Variants in SVIL observed in about 807,000 individuals in gnomAD.
The protein encoded by SVIL is supervillin, also known as archvillin.
Under a neutral mutation model 240.4 loss-of-function variants are expected in SVIL, and 101 were observed. The observed-to-expected ratio is 0.42, with a 90% CI of 0.36 to 0.50. The LOEUF is 0.50. SVIL is among the 20% of genes least tolerant of loss of function. The pLI is 0.01. For synonymous variants in SVIL, 999 were observed against 1,100.0 expected (o/e 0.91, Z 1.82); for missense variants, 2,512 against 2,818.7 (o/e 0.89, Z 2.46).
chr10:29,567,818 C>A (rs2132712995), intron 2 of SVIL, among the ~76,000 whole-genome samples: 1 of 152,144 alleles, frequency 6.6e-6, no homozygotes, highest in East Asian at 1.9e-4. Context: ...AGATCGAGAC[C>A]ATCCTGGCTA....
chr10:29,481,536 T>C, intron 28 of SVIL, 48 bp downstream of exon 28: 1 of 1,608,010 alleles, frequency 6.2e-7, no homozygotes, highest in South Asian at 1.1e-5. Flanking sequence ...CCACTTTTAT[T>C]GGGACCCGAA....
chr10:29,608,473 G>A (rs1274013939), intron 1 of SVIL, among the ~76,000 whole-genome samples: 1 of 152,234 alleles, frequency 6.6e-6, no homozygotes, highest in East Asian at 1.9e-4. Flanking sequence ...ATGGGAGCCT[G>A]TTCTCCCAGG....
chr10:29,666,566 C>T (rs1959314732), intron 2 of SVIL, among the ~76,000 whole-genome samples: 1 of 152,210 alleles, frequency 6.6e-6, no homozygotes, highest in African/African-American at 2.4e-5. Flanking sequence ...CAAGGTCTCA[C>T]TAAGGGTGGG....
intron 29 of SVIL, among the ~76,000 whole-genome samples, chr10:29,476,987 C>T (rs994897835): frequency 2.0e-5 from 3 of 151,984 alleles, no homozygotes; most frequent in Non-Finnish European, 4.4e-5. Flanking sequence ...CTCAGCCTCC[C>T]GAGTAGCTGG....
chr10:29,535,064 GAA>G (rs1951644540), intron 7 of SVIL, among the ~76,000 whole-genome samples: 1 of 152,148 alleles, frequency 6.6e-6, no homozygotes, highest in South Asian at 2.1e-4. Context: ...GTATGGAAAA[GAA>G]TAGTTTATTT....
chr10:29,502,851 T>G (rs1949007127), intron 17 of SVIL, among the ~76,000 whole-genome samples: 1 of 152,186 alleles, frequency 6.6e-6, no homozygotes, highest in African/African-American at 2.4e-5. Context: ...TTTCTTTCTC[T>G]CTGTATACAC....
intron 1 of SVIL, among the ~76,000 whole-genome samples, chr10:29,607,375 T>C (rs1957065749): frequency 6.6e-6 from 1 of 152,216 alleles, no homozygotes; most frequent in African/African-American, 2.4e-5. Context: ...GGAATCTCCT[T>C]GCCTAGTTTA....
chr10:29,726,131 AG>A (rs1964276541), intron 1 of SVIL, among the ~76,000 whole-genome samples: 1 of 152,056 alleles, frequency 6.6e-6, no homozygotes, highest in South Asian at 2.1e-4. Flanking sequence ...TAAGTTGCCC[AG>A]GCTGGTCTCA....
chr10:29,460,798 T>G (rs548143588), intron 36 of SVIL, among the ~76,000 whole-genome samples: 1 of 152,256 alleles, frequency 6.6e-6, no homozygotes, highest in East Asian at 1.9e-4. Context: ...CCCAGCTACC[T>G]GGGAGGCTGA....
At chr10:29,679,227 A>G (rs951010222) in intron 2 of SVIL, among the ~76,000 whole-genome samples, 3 of 152,080 alleles carry the variant, frequency 2.0e-5, no homozygotes, top group African/African-American at 7.2e-5. Context: ...AAACAAAACA[A>G]AAAAACACCT....
Position 29,470,423 on chromosome 10 carries a change from A to C in SVIL, c.5696T>G (p.Val1899Gly), listed in dbSNP as rs376838166. Residue 1899 changes from valine to glycine, a missense_variant, in exon 32 of 38, where the codon GTG (valine) becomes GGG (glycine). This residue lies in a region of SVIL where 797 missense variants were observed against 925.3 expected (regional missense o/e 0.86). Coordinates refer to ENST00000355867, the MANE Select transcript of SVIL (RefSeq NM_021738.3). Reference protein sequence around the residue: ...EVPVEGNLLEVACHCSSLRSR... With the variant: ...EVPVEGNLLEGACHCSSLRSR... Reference sequence around the variant, plus strand: ...CCTCAGGCTGCTACAGTGACAGGCCACTTCCAGCAAATTCCCTTCCACGGG... The same window carrying C: ...CCTCAGGCTGCTACAGTGACAGGCCCCTTCCAGCAAATTCCCTTCCACGGG... The C allele has an allele frequency of 1.9e-6, 3 of 1,614,194 alleles. No homozygotes were observed. The highest frequency in any genetic ancestry group is 2.5e-6 in the Non-Finnish European group (3 of 1,180,026).
At chr10:29,572,763 C>CAAAAAAAAAAAAAAAAAAA (rs375180538) in intron 1 of SVIL, among the ~76,000 whole-genome samples, 2 of 81,324 alleles carry the variant, frequency 2.5e-5, no homozygotes, top group African/African-American at 9.5e-5. Flanking sequence ...GATCCTATCT[C>CAAAAAAAAAAAAAAAAAAA]AAAAAAAAAA....
At chr10:29,645,266 AG>A (rs908977872) in intron 3 of SVIL, among the ~76,000 whole-genome samples, 1 of 151,966 alleles carries the variant, frequency 6.6e-6, no homozygotes, top group African/African-American at 2.4e-5. Flanking sequence ...CTCAACAATG[AG>A]GGGGAAAAAA....
intron 5 of SVIL, 103 bp downstream of exon 5, chr10:29,554,680 C>G (rs1953736621): frequency 7.4e-7 from 1 of 1,349,596 alleles, no homozygotes; most frequent in African/African-American, 1.5e-5. Flanking sequence ...ACACAATTCA[C>G]TTCTGTGGAA....
intron 2 of SVIL, among the ~76,000 whole-genome samples, chr10:29,681,441 G>GTA (rs1554893818): frequency 6.7e-6 from 1 of 150,332 alleles, no homozygotes; most frequent in Non-Finnish European, 1.5e-5. Flanking sequence ...GTGTGTGTGT[G>GTA]TACGTGTGTT....
intron 1 of SVIL, among the ~76,000 whole-genome samples, chr10:29,714,677 T>A (rs906388156): frequency 6.6e-6 from 1 of 152,058 alleles, no homozygotes. Flanking sequence ...GAAAAAGGCT[T>A]GGCCGGGCGT....
chr10:29,563,279 A>T lies in SVIL; in HGVS notation c.-129T>A. 1 of 985,702 alleles carries T rather than the reference A, an allele frequency of 1.0e-6. No homozygotes were observed. The highest frequency in any genetic ancestry group is 1.2e-6 in the Non-Finnish European group (1 of 829,892). 61.1% of individuals were successfully genotyped at this position (985,702 alleles called of 1,614,324 possible). On this transcript the variant is annotated 5_prime_UTR_variant, in exon 3 of 38. Transcript: ENST00000355867. ...AGCTGTTCTTTATCTTCGAGTGAGA[A>T]CTCCTTCTGAAAGCTAAAAATTACT...
intron 29 of SVIL, among the ~76,000 whole-genome samples, chr10:29,478,112 G>A (rs1056070907): frequency 2.0e-5 from 3 of 152,040 alleles, no homozygotes. Flanking sequence ...AAAGTTCCCA[G>A]TTCCATTACT....
chr10:29,486,057 ACTGAAG>A lies in SVIL; in HGVS notation c.4779+22_4779+27del, dbSNP rs754626142. The A allele has an allele frequency of 1.1e-4, 171 of 1,579,050 alleles. No homozygotes were observed. In the East Asian group the frequency reaches 2.8e-3, roughly 26 times the overall value. On this transcript the variant is annotated intron_variant, in intron 26 of 37. Coordinates refer to ENST00000355867, the MANE Select transcript of SVIL (RefSeq NM_021738.3). The stretch of plus-strand genomic sequence containing the variant: ...CTGAGTGCTTTCAATGTGGTTTCTC[ACTGAAG>A]GGCAGAGCCCACGGACTGTACCTCT...
Sources: allele counts gnomAD v4.1 joint callset (sites outside exome capture counted in the v4.1 genomes callset), GRCh38; gene constraint gnomAD v4.1.1; regional missense constraint gnomAD v4.1.1; transcripts MANE v1.5; gene names NCBI Gene and HGNC (gene_info 2026-07-23, HGNC 2026-07-21).